The following CTNNA3 variants were observed in gnomAD, a reference collection of about 807,000 sequenced individuals.
CTNNA3 encodes the protein catenin alpha 3.
CTNNA3 carries 76 observed loss-of-function variants against 95.7 expected under a neutral mutation model. The ratio of observed to expected loss-of-function variants is 0.79; its 90% CI spans 0.66 to 0.96. CTNNA3 has a LOEUF of 0.96. Among genes scored for constraint, CTNNA3 ranks in the 40% least tolerant of loss-of-function variants. The probability of loss-of-function intolerance (pLI) is 0.00; values close to 1 mark genes in which losing one functional copy is unlikely to be tolerated. For synonymous variants in CTNNA3, 431 were observed against 374.4 expected (o/e 1.15, Z -1.74); for missense variants, 1,191 against 1,089.8 (o/e 1.09, Z -1.31).
intron 12 of CTNNA3, among the ~76,000 whole-genome samples, chr10:66,293,399 T>G (rs1045220280): frequency 6.6e-6 from 1 of 151,352 alleles, no homozygotes; most frequent in Non-Finnish European, 1.5e-5. Flanking sequence ...AAAAGTAGAG[T>G]TGAGATTGTA....
chr10:66,185,444 T>C (rs1463377538), intron 13 of CTNNA3, among the ~76,000 whole-genome samples: 1 of 152,126 alleles, frequency 6.6e-6, no homozygotes, highest in Non-Finnish European at 1.5e-5. Flanking sequence ...TTAAAAGTTA[T>C]AAATGAATTC....
intron 7 of CTNNA3, among the ~76,000 whole-genome samples, chr10:66,960,997 A>G (rs935076449): frequency 6.6e-6 from 1 of 152,196 alleles, no homozygotes; most frequent in Admixed American, 6.6e-5. Flanking sequence ...AAATAAAAAT[A>G]TAGGACTATA....
rs1847313037 is a variant in CTNNA3 at position 66,930,452 on chromosome 10, T to C, written c.1048-154928A>G. On this transcript the variant is annotated intron_variant, in intron 7 of 17. Transcript: ENST00000433211. ...GCATCAGTAAATACATATTCCATCT[T>C]AAAAAGAAATTTTCTTTGGCTAGCC... is the stretch of plus-strand genomic sequence containing the variant. Among the ~76,000 whole-genome samples the C allele has an allele frequency of 2.0e-5, 3 of 152,276 alleles. No homozygotes were observed. The South Asian group carries it at 6.2e-4, about 32-fold the overall frequency.
chr10:66,865,073 C>A (rs763880715), intron 7 of CTNNA3, among the ~76,000 whole-genome samples: 1 of 151,770 alleles, frequency 6.6e-6, no homozygotes, highest in Non-Finnish European at 1.5e-5. Context: ...TGGGATGACA[C>A]CAAAAAAATC....
At chr10:66,971,888 T>C (rs1219186761) in intron 7 of CTNNA3, among the ~76,000 whole-genome samples, 2 of 152,058 alleles carry the variant, frequency 1.3e-5, no homozygotes, top group Non-Finnish European at 2.9e-5. Flanking sequence ...TTCAACAAGG[T>C]CAGAGCATAT....
intron 1 of CTNNA3, among the ~76,000 whole-genome samples, chr10:67,731,508 T>C (rs1470322975): frequency 2.0e-5 from 3 of 151,252 alleles, no homozygotes; most frequent in Non-Finnish European, 2.9e-5. Flanking sequence ...AGTCTTAAGA[T>C]ATTTTGCTTT....
intron 7 of CTNNA3, among the ~76,000 whole-genome samples, chr10:67,137,336 T>G (rs1589781997): frequency 1.3e-5 from 2 of 152,336 alleles, no homozygotes; most frequent in Admixed American, 1.3e-4. Context: ...CATCTTGGAT[T>G]GCTCTTACAC....
At chr10:67,048,826 G>A (rs910296015) in intron 7 of CTNNA3, among the ~76,000 whole-genome samples, 3 of 152,004 alleles carry the variant, frequency 2.0e-5, no homozygotes, top group Admixed American at 2.0e-4. Context: ...GTAACATGAT[G>A]TCTCACCGTT....
chr10:67,605,483 C>A (rs1393145874), intron 3 of CTNNA3, among the ~76,000 whole-genome samples: 1 of 152,002 alleles, frequency 6.6e-6, no homozygotes. Flanking sequence ...ATGCTGTATT[C>A]AGGATTTTTA....
chr10:67,604,523 T>A (rs561723214), intron 3 of CTNNA3, among the ~76,000 whole-genome samples: 3 of 152,276 alleles, frequency 2.0e-5, no homozygotes, highest in South Asian at 2.1e-4. Context: ...GGAGGAAGGC[T>A]AATGCAATAA....
At chr10:66,675,666 C>A (rs1158842030) in intron 9 of CTNNA3, among the ~76,000 whole-genome samples, 1 of 152,068 alleles carries the variant, frequency 6.6e-6, no homozygotes, top group Non-Finnish European at 1.5e-5. Context: ...ACTTTTAGTT[C>A]ATCTCAAAAT....
chr10:67,631,310 A>G (rs1158302948), intron 2 of CTNNA3, among the ~76,000 whole-genome samples: 4 of 152,238 alleles, frequency 2.6e-5, no homozygotes, highest in Non-Finnish European at 5.9e-5. Flanking sequence ...AGAGAAAAAA[A>G]AAATACATTA....
intron 5 of CTNNA3, among the ~76,000 whole-genome samples, chr10:67,336,685 T>A (rs1842007838): frequency 6.6e-6 from 1 of 152,196 alleles, no homozygotes; most frequent in East Asian, 1.9e-4. Flanking sequence ...ACTCTCTTGC[T>A]GGGGCTAATG....
chr10:66,773,278 C>T (rs974649728), intron 8 of CTNNA3, among the ~76,000 whole-genome samples: 2 of 152,174 alleles, frequency 1.3e-5, no homozygotes, highest in African/African-American at 2.4e-5. Flanking sequence ...CTGCCTACTC[C>T]TATTGAACTG....
chr10:66,691,810 C>T (rs1453322365), intron 9 of CTNNA3, among the ~76,000 whole-genome samples: 1 of 152,148 alleles, frequency 6.6e-6, no homozygotes, highest in African/African-American at 2.4e-5. Context: ...TCACAAAAAT[C>T]CGCTGTTCTG....
chr10:66,541,234 T>C (rs1050322186), intron 10 of CTNNA3, among the ~76,000 whole-genome samples: 1 of 152,156 alleles, frequency 6.6e-6, no homozygotes, highest in African/African-American at 2.4e-5. Flanking sequence ...ATTGTATTTA[T>C]ACCAAAGGAA....
rs187150790 is a variant in CTNNA3 at position 66,317,891 on chromosome 10, T to C, written c.1733-37270A>G. Among the ~76,000 whole-genome samples the C allele has an allele frequency of 2.3e-3, 345 of 152,156 alleles. 3 individuals carry two copies. The highest frequency in any genetic ancestry group is 4.0e-3 in the Non-Finnish European group (275 of 67,960). On this transcript the variant is annotated intron_variant, in intron 12 of 17. Coordinates refer to ENST00000433211, the MANE Select transcript of CTNNA3 (RefSeq NM_013266.4). ...TCGTTAACTAAATCAATAACAGTAATATTTAATTACATTCACTAATGGATT... is the reference window on the plus strand; with the variant it reads ...TCGTTAACTAAATCAATAACAGTAACATTTAATTACATTCACTAATGGATT...
chr10:66,363,300 G>A (rs1304218135), intron 12 of CTNNA3, among the ~76,000 whole-genome samples: 3 of 152,176 alleles, frequency 2.0e-5, no homozygotes, highest in South Asian at 2.1e-4. Flanking sequence ...AATCCCTAAT[G>A]TGATGGTATT....
chr10:66,384,650 A>G (rs1449754889), intron 11 of CTNNA3, among the ~76,000 whole-genome samples: 2 of 152,170 alleles, frequency 1.3e-5, no homozygotes, highest in African/African-American at 2.4e-5. Flanking sequence ...TATTTTCATC[A>G]CCACATCGCA....
Sources: gnomAD v4.1 joint callset for allele counts (sites outside exome capture counted in the v4.1 genomes callset) on GRCh38, gnomAD v4.1.1 for gene constraint, MANE v1.5 for transcripts, NCBI Gene and HGNC (gene_info 2026-07-23, HGNC 2026-07-21) for gene names.